B4GALT5: variants seen among roughly 807,000 people sequenced by gnomAD.
B4GALT5 encodes the protein UDP-Gal:beta-GlcNAc beta-1,4-galactosyltransferase 5.
Under a neutral mutation model 45.0 loss-of-function variants are expected in B4GALT5, and 11 were observed. The observed-to-expected ratio is 0.24, with a 90% CI of 0.15 to 0.40. The LOEUF is 0.40. B4GALT5 is among the 10% of genes least tolerant of loss of function. The pLI, the probability that B4GALT5 is intolerant of heterozygous loss-of-function variation, is 1.00. For missense variants in B4GALT5, 337 were observed against 500.2 expected, an observed-to-expected ratio of 0.67 and a Z score of 3.11; for synonymous variants, 185 against 182.9, an observed-to-expected ratio of 1.01 and a Z score of -0.09.
intron 1 of B4GALT5, among the ~76,000 whole-genome samples, chr20:49,704,989 T>C (rs1805546103): frequency 6.7e-6 from 1 of 149,776 alleles, no homozygotes; most frequent in Non-Finnish European, 1.5e-5. Context: ...TTACTCAAAC[T>C]AACAAAAGGA....
chr20:49,693,184 A>G (rs2085823802), intron 1 of B4GALT5, among the ~76,000 whole-genome samples: 1 of 152,314 alleles, frequency 6.6e-6, no homozygotes, highest in Non-Finnish European at 1.5e-5. Context: ...GTATCCCCAT[A>G]CTTATGCAAC....
chr20:49,712,008 C>A (rs1167258241), intron 1 of B4GALT5, among the ~76,000 whole-genome samples: 1 of 152,124 alleles, frequency 6.6e-6, no homozygotes, highest in Non-Finnish European at 1.5e-5. Flanking sequence ...CAAAATTTTT[C>A]TAGCAGAATT....
intron 1 of B4GALT5, among the ~76,000 whole-genome samples, chr20:49,667,698 A>AC (rs756472142): frequency 6.6e-6 from 1 of 152,090 alleles, no homozygotes; most frequent in African/African-American, 2.4e-5. Flanking sequence ...GGTGTGAGCC[A>AC]CCCCGCATGG....
chr20:49,689,704 C>T (rs1568731163), intron 1 of B4GALT5, among the ~76,000 whole-genome samples: 1 of 151,878 alleles, frequency 6.6e-6, no homozygotes, highest in African/African-American at 2.4e-5. Flanking sequence ...TTTTTTTTCC[C>T]TTCTTGGTGT....
intron 1 of B4GALT5, among the ~76,000 whole-genome samples, chr20:49,662,780 T>C (rs766793718): frequency 1.3e-5 from 2 of 152,202 alleles, no homozygotes; most frequent in Non-Finnish European, 2.9e-5. Context: ...TGTTCCATAC[T>C]ATAATGCACA....
intron 5 of B4GALT5, 88 bp downstream of exon 5, chr20:49,642,380 C>A: frequency 1.0e-6 from 1 of 973,480 alleles, no homozygotes; most frequent in Non-Finnish European, 1.6e-6. Flanking sequence ...GTTTTATTGG[C>A]TCTTCACACC....
chr20:49,709,011 T>C (rs1428647818), intron 1 of B4GALT5, among the ~76,000 whole-genome samples: 1 of 152,004 alleles, frequency 6.6e-6, no homozygotes, highest in Non-Finnish European at 1.5e-5. Flanking sequence ...AACCGATAAC[T>C]GTTTCGACAA....
chr20:49,690,329 G>A (rs1356486601), intron 1 of B4GALT5, among the ~76,000 whole-genome samples: 3 of 152,086 alleles, frequency 2.0e-5, no homozygotes, highest in African/African-American at 7.2e-5. Context: ...TTAACCCACG[G>A]CACTTTGAAC....
chr20:49,698,053 G>A (rs1202840581), intron 1 of B4GALT5, among the ~76,000 whole-genome samples: 1 of 152,156 alleles, frequency 6.6e-6, no homozygotes, highest in African/African-American at 2.4e-5. Flanking sequence ...CGGGCGCGGT[G>A]GCTCATGCCT....
intron 1 of B4GALT5, among the ~76,000 whole-genome samples, chr20:49,705,403 T>C (rs1314864487): frequency 6.6e-6 from 1 of 152,160 alleles, no homozygotes; most frequent in Non-Finnish European, 1.5e-5. Flanking sequence ...GACAGCACAA[T>C]TTTCCCTCCC....
rs201823894 is a variant in B4GALT5, at chr20:49,674,699, AAAGAAG to A, written c.116-18003_116-17998del. On this transcript the variant is annotated intron_variant, in intron 1 of 8. Transcript: ENST00000371711. The stretch of plus-strand genomic sequence containing the variant: ...AGACCCCATCCCTATTAAAAAAAAA[AAAGAAG>A]AAGAAGAAGAAAAAGAATTGCATTT... Among the ~76,000 whole-genome samples the A allele has an allele frequency of 3.3e-5, 5 of 152,064 alleles. No individual in the cohort carries two copies. In the East Asian group the frequency reaches 5.8e-4, roughly 18 times the overall value.
chr20:49,654,359 T>A (rs2085633572), intron 2 of B4GALT5, among the ~76,000 whole-genome samples: 1 of 152,214 alleles, frequency 6.6e-6, no homozygotes, highest in Non-Finnish European at 1.5e-5. Flanking sequence ...GTGCAAAACC[T>A]ACCACCACAT....
chr20:49,645,219 A>G (rs181693226), intron 3 of B4GALT5, among the ~76,000 whole-genome samples: 109 of 152,170 alleles, frequency 7.2e-4, no homozygotes, highest in African/African-American at 2.5e-3. Flanking sequence ...AAGATCAAGC[A>G]CTACAATCAG....
chr20:49,661,298 C>T (rs968300146), intron 1 of B4GALT5, among the ~76,000 whole-genome samples: 6 of 152,062 alleles, frequency 3.9e-5, no homozygotes, highest in East Asian at 1.9e-4. Flanking sequence ...TGTAGTGGCG[C>T]GTCTCGGCTC....
chr20:49,710,949 G>A (rs2085907559), intron 1 of B4GALT5, among the ~76,000 whole-genome samples: 1 of 151,994 alleles, frequency 6.6e-6, no homozygotes, highest in Non-Finnish European at 1.5e-5. Flanking sequence ...CAGGCAGGGT[G>A]GCATGTACCT....
intron 1 of B4GALT5, among the ~76,000 whole-genome samples, chr20:49,689,231 A>T (rs111775669): frequency 3.9e-5 from 6 of 152,232 alleles, no homozygotes; most frequent in African/African-American, 1.4e-4. Flanking sequence ...TAACAAAGAC[A>T]GCAAAATAAT....
At chr20:49,650,853 T>C (rs1489378195) in intron 2 of B4GALT5, among the ~76,000 whole-genome samples, 3 of 152,218 alleles carry the variant, frequency 2.0e-5, no homozygotes, top group South Asian at 2.1e-4. Flanking sequence ...TTCTAAAGCA[T>C]GTACCTACTG....
chr20:49,648,610 G>C (rs2085608608), intron 2 of B4GALT5, among the ~76,000 whole-genome samples: 1 of 152,060 alleles, frequency 6.6e-6, no homozygotes, highest in African/African-American at 2.4e-5. Context: ...ACCTACCAAG[G>C]TTTTTTGCTG....
In B4GALT5 at chr20:49,632,973, G is replaced by GA. The variant is rs1394322804; in HGVS notation, c.*3338dup. The GA allele has an allele frequency of 1.3e-5, 2 of 152,508 alleles. No homozygotes were observed. The highest frequency in any genetic ancestry group is 2.4e-5 in the African/African-American group (1 of 41,434). 9.4% of individuals were successfully genotyped at this position (152,508 alleles called of 1,614,324 possible). On this transcript the variant is annotated 3_prime_UTR_variant, in exon 9 of 9. Coordinates refer to ENST00000371711, the MANE Select transcript of B4GALT5 (RefSeq NM_004776.4). The stretch of plus-strand genomic sequence containing the variant: ...GGTTCTTGAATATGTATTTTTTACT[G>GA]AAAAAATCATTCATAAATTAACATA...
Sources: gnomAD v4.1 joint callset for allele counts (sites outside exome capture counted in the v4.1 genomes callset) on GRCh38, gnomAD v4.1.1 for gene constraint, MANE v1.5 for transcripts, NCBI Gene and HGNC (gene_info 2026-07-23, HGNC 2026-07-21) for gene names.